ENOX1: variants seen among roughly 807,000 people sequenced by gnomAD.
ENOX1 encodes the protein candidate growth-related and time keeping constitutive hydroquinone (NADH) oxidase.
In ENOX1, 42 loss-of-function variants were observed where a neutral mutation model predicts 82.5. The observed-to-expected ratio is 0.51, with a 90% CI of 0.40 to 0.66. The LOEUF (loss-of-function observed/expected upper bound fraction) is 0.66. Among genes scored for constraint, ENOX1 ranks in the 30% least tolerant of loss-of-function variants. The probability of loss-of-function intolerance (pLI) is 0.00; values close to 1 mark genes in which losing one functional copy is unlikely to be tolerated. For synonymous variants in ENOX1, 271 were observed against 282.2 expected, an observed-to-expected ratio of 0.96 and a Z score of 0.40; for missense variants, 608 against 811.6, an observed-to-expected ratio of 0.75 and a Z score of 3.05.
In ENOX1 at chr13:43,742,249, G is replaced by A. The variant is rs957338182; in HGVS notation, c.-285+44403C>T. Among the ~76,000 whole-genome samples, 3 of 152,108 alleles carry A rather than the reference G, an allele frequency of 2.0e-5. No homozygotes were observed. The East Asian group carries it at 5.8e-4, about 29-fold the overall frequency. ...ATTGAGGCTGAGAAGTCCCATGATC[G>A]ACATGCTGGTCAGGAAAACCAGTGA... On this transcript the variant is annotated intron_variant, in intron 1 of 16. Coordinates refer to ENST00000690772, the MANE Select transcript of ENOX1 (RefSeq NM_001347969.2).
At chr13:43,244,866 T>C (rs1035860844) in intron 14 of ENOX1, among the ~76,000 whole-genome samples, 4 of 152,214 alleles carry the variant, frequency 2.6e-5, no homozygotes, top group East Asian at 3.8e-4. Context: ...GTTCTGCTAA[T>C]TGCTCATAGG....
At chr13:43,346,392 GT>G (rs547151170) in intron 8 of ENOX1, among the ~76,000 whole-genome samples, 1 of 151,976 alleles carries the variant, frequency 6.6e-6, no homozygotes, top group Admixed American at 6.6e-5. Context: ...GGGATCAAAG[GT>G]TTTTTTTCTG....
At chr13:43,653,469 C>A (rs888000979) in intron 2 of ENOX1, among the ~76,000 whole-genome samples, 12 of 152,122 alleles carry the variant, frequency 7.9e-5, no homozygotes, top group African/African-American at 2.9e-4. Flanking sequence ...ATTTTTAAAG[C>A]GGCCAAAATT....
At chr13:43,485,343 T>C (rs9594955) in intron 2 of ENOX1, among the ~76,000 whole-genome samples, 55,005 of 152,044 alleles carry the variant, frequency 0.36, 12,045 homozygotes, top group Non-Finnish European at 0.5. Context: ...CTTGAAATGA[T>C]AGCTTTGGAT....
At chr13:43,647,263 G>C (rs894195758) in intron 2 of ENOX1, among the ~76,000 whole-genome samples, 3 of 152,112 alleles carry the variant, frequency 2.0e-5, no homozygotes, top group Non-Finnish European at 4.4e-5. Flanking sequence ...GTGTAAAATG[G>C]GGATAATAAT....
intron 3 of ENOX1, among the ~76,000 whole-genome samples, chr13:43,435,511 T>C (rs1178447052): frequency 4.1e-4 from 62 of 152,230 alleles, no homozygotes; most frequent in Non-Finnish European, 5.9e-5. Flanking sequence ...TTCTGTTTAA[T>C]ACTGTCCTTT....
chr13:43,278,311 A>C (rs1437807235), intron 12 of ENOX1, among the ~76,000 whole-genome samples: 1 of 152,170 alleles, frequency 6.6e-6, no homozygotes, highest in African/African-American at 2.4e-5. Flanking sequence ...TTAGCTGCAC[A>C]CATTTGTTCT....
chr13:43,690,274 A>T (rs1308541176), intron 1 of ENOX1, among the ~76,000 whole-genome samples: 1 of 148,132 alleles, frequency 6.8e-6, no homozygotes, highest in East Asian at 2.0e-4. Flanking sequence ...AAAAAAAAAA[A>T]AGACAAGCAG....
intron 1 of ENOX1, among the ~76,000 whole-genome samples, chr13:43,674,805 C>A (rs1275275742): frequency 6.6e-6 from 1 of 152,088 alleles, no homozygotes; most frequent in Non-Finnish European, 1.5e-5. Context: ...TTGGGGGATG[C>A]TGATAATACA....
chr13:43,557,853 A>C (rs1223412344), intron 2 of ENOX1, among the ~76,000 whole-genome samples: 2 of 152,220 alleles, frequency 1.3e-5, no homozygotes, highest in African/African-American at 4.8e-5. Flanking sequence ...GTACAAAAAA[A>C]ACCTCAATAA....
chr13:43,292,711 G>A (rs2046067682), intron 12 of ENOX1, among the ~76,000 whole-genome samples: 1 of 151,738 alleles, frequency 6.6e-6, no homozygotes, highest in Non-Finnish European at 1.5e-5. Flanking sequence ...CACCAATAAT[G>A]CTACCACAGC....
chr13:43,280,751 G>T (rs2153490506), intron 12 of ENOX1, among the ~76,000 whole-genome samples: 1 of 152,230 alleles, frequency 6.6e-6, no homozygotes, highest in African/African-American at 2.4e-5. Flanking sequence ...ATTTTTCTTT[G>T]TTAATACAAG....
At position 43,236,649 on chromosome 13, in the gene ENOX1, T is replaced by A. The variant is rs1479773967; in HGVS notation, c.1701A>T (p.Glu567Asp). ...GAATTTCCTTACCTATTAGCAGAGC[T>A]TCTTTCTCTGATTTTAAGCCTTGGC... is the stretch of plus-strand genomic sequence containing the variant. ...KRSQGLKSEK[E>D]ALLIGIISTF... Residue 567 changes from glutamate (E) to aspartate (D), a missense_variant, in exon 15 of 17, where the codon GAA becomes GAT. By Grantham distance (45) the Glu-to-Asp change is conservative. Transcript: ENST00000690772. The A allele has an allele frequency of 1.3e-6, 2 of 1,578,984 alleles. No homozygotes were observed. Among genetic ancestry groups the A allele is most frequent in the Non-Finnish European group, 1.7e-6 (2 of 1,169,824 alleles).
chr13:43,314,945 A>G (rs2047396421), intron 11 of ENOX1, among the ~76,000 whole-genome samples: 1 of 152,230 alleles, frequency 6.6e-6, no homozygotes, highest in South Asian at 2.1e-4. Context: ...CAGGAAGAAT[A>G]CAAACTTATT....
chr13:43,391,045 AC>A (rs1182602365), intron 5 of ENOX1, among the ~76,000 whole-genome samples: 1 of 151,946 alleles, frequency 6.6e-6, no homozygotes, highest in Non-Finnish European at 1.5e-5. Context: ...TCAACCTTTA[AC>A]CCACTGACCT....
intron 1 of ENOX1, among the ~76,000 whole-genome samples, chr13:43,767,391 G>T (rs140914591): frequency 6.6e-6 from 1 of 152,272 alleles, no homozygotes; most frequent in African/African-American, 2.4e-5. Flanking sequence ...CAGAACCTGT[G>T]CCCTGAAGTA....
chr13:43,381,470 A>AC (rs1180898226), intron 5 of ENOX1, among the ~76,000 whole-genome samples: 4 of 49,970 alleles, frequency 8.0e-5, no homozygotes, highest in Non-Finnish European at 2.1e-4. Context: ...CTTCTATCTT[A>AC]TAAAAAAAAA....
intron 2 of ENOX1, among the ~76,000 whole-genome samples, chr13:43,562,920 C>T (rs1412985280): frequency 6.6e-6 from 1 of 152,024 alleles, no homozygotes; most frequent in African/African-American, 2.4e-5. Flanking sequence ...GAGAGACAGA[C>T]CACAATACAA....
intron 3 of ENOX1, among the ~76,000 whole-genome samples, chr13:43,475,652 A>T (rs900304332): frequency 6.6e-6 from 1 of 152,184 alleles, no homozygotes; most frequent in Non-Finnish European, 1.5e-5. Context: ...GGAATAAATA[A>T]TTTAAAGGGG....
Sources: gnomAD v4.1 joint callset for allele counts (sites outside exome capture counted in the v4.1 genomes callset) on GRCh38, gnomAD v4.1.1 for gene constraint, MANE v1.5 for transcripts, NCBI Gene and HGNC (gene_info 2026-07-23, HGNC 2026-07-21) for gene names.